The following FDFT1 variants were observed in gnomAD, a reference collection of about 807,000 sequenced individuals.
FDFT1 encodes the protein farnesyl-diphosphate farnesyltransferase 1.
In FDFT1, 68 loss-of-function variants were observed where a neutral mutation model predicts 46.8. The observed-to-expected ratio is 1.45, with a 90% confidence interval of 1.19 to 1.78. FDFT1 has a LOEUF of 1.78. Ranked by LOEUF, FDFT1 falls within the 40% of genes most tolerant of loss-of-function variation. The pLI, the probability that FDFT1 is intolerant of heterozygous loss-of-function variation, is 0.00. For missense variants in FDFT1, 928 were observed against 524.4 expected (o/e 1.77, Z -7.52); for synonymous variants, 351 against 185.1 (o/e 1.90, Z -7.28).
intron 3 of FDFT1, among the ~76,000 whole-genome samples, chr8:11,819,364 C>A (rs956519384): frequency 6.6e-6 from 1 of 152,108 alleles, no homozygotes; most frequent in African/African-American, 2.4e-5. Flanking sequence ...TTGTGGTGTT[C>A]TCTGTATTTC....
At chr8:11,804,784 T>A (rs1806608515) in intron 1 of FDFT1, among the ~76,000 whole-genome samples, 1 of 151,888 alleles carries the variant, frequency 6.6e-6, no homozygotes, top group Admixed American at 6.6e-5. Flanking sequence ...TTTTTTGGTA[T>A]TTTTAGTAGA....
At chr8:11,824,788 T>G (rs910246408) in intron 4 of FDFT1, among the ~76,000 whole-genome samples, 1 of 152,088 alleles carries the variant, frequency 6.6e-6, no homozygotes, top group Non-Finnish European at 1.5e-5. Context: ...CAGGCTGGAG[T>G]GCAGTGGCGC....
chr8:11,816,638 T>C (rs541599746), intron 3 of FDFT1, among the ~76,000 whole-genome samples: 1 of 152,314 alleles, frequency 6.6e-6, no homozygotes, highest in South Asian at 2.1e-4. Context: ...CTATTGTGAA[T>C]GGGAGTTCAC....
At chr8:11,830,197 C>T (rs760115135) in intron 5 of FDFT1, 47 bp from the exon 6 acceptor site, 8 of 1,418,354 alleles carry the variant, frequency 5.6e-6, no homozygotes, top group Middle Eastern at 1.8e-4. Context: ...TGTAAATTCT[C>T]CCCTATGCAC....
At chr8:11,816,304 T>G (rs911413997) in intron 3 of FDFT1, among the ~76,000 whole-genome samples, 1 of 152,250 alleles carries the variant, frequency 6.6e-6, no homozygotes, top group Non-Finnish European at 1.5e-5. Context: ...GGTAGCGTGA[T>G]GCCTCCAGCT....
intron 3 of FDFT1, among the ~76,000 whole-genome samples, chr8:11,810,581 A>C (rs1807574050): frequency 6.6e-6 from 1 of 152,174 alleles, no homozygotes; most frequent in Non-Finnish European, 1.5e-5. Context: ...TATTTGGTCT[A>C]TTTTGTTGGA....
intron 1 of FDFT1, among the ~76,000 whole-genome samples, chr8:11,805,984 ATTATG>A (rs1806777647): frequency 6.6e-6 from 1 of 152,092 alleles, no homozygotes; most frequent in African/African-American, 2.4e-5. Flanking sequence ...TATCAATCTG[ATTATG>A]TAAATTTATG....
chr8:11,808,228 T>G, intron 1 of FDFT1: 3 of 1,180,168 alleles, frequency 2.5e-6, no homozygotes, highest in Non-Finnish European at 3.1e-6. Flanking sequence ...GGAGCCCGAG[T>G]AGAGTTTGGT....
At chr8:11,802,618 G>A, upstream of FDFT1, 1 of 590,146 alleles carries the variant, frequency 1.7e-6, no homozygotes, top group Admixed American at 2.8e-5. Context: ...GCCAATCAGC[G>A]CCCGTCAGCC....
At chr8:11,813,229 A>G (rs1308952106) in intron 3 of FDFT1, among the ~76,000 whole-genome samples, 1 of 152,248 alleles carries the variant, frequency 6.6e-6, no homozygotes, top group Non-Finnish European at 1.5e-5. Context: ...ATGAGCACGT[A>G]TCTTTCTCAC....
At chr8:11,815,383 C>T (rs1318216874) in intron 3 of FDFT1, among the ~76,000 whole-genome samples, 1 of 152,098 alleles carries the variant, frequency 6.6e-6, no homozygotes, top group Non-Finnish European at 1.5e-5. Context: ...GGGTATATGC[C>T]CAGTAATGGG....
intron 4 of FDFT1, among the ~76,000 whole-genome samples, chr8:11,825,343 A>G (rs1023687041): frequency 6.6e-6 from 1 of 151,950 alleles, no homozygotes; most frequent in East Asian, 1.9e-4. Context: ...GGAGTTCGAG[A>G]CCAGCGTGGC....
intron 1 of FDFT1, chr8:11,803,588 G>T (rs1806425042): frequency 5.4e-6 from 4 of 737,506 alleles, no homozygotes; most frequent in African/African-American, 3.7e-5. Flanking sequence ...GAATGCATAG[G>T]AGGTGTTTTT....
intron 3 of FDFT1, among the ~76,000 whole-genome samples, chr8:11,814,865 TTTTTTC>T (rs746252447): frequency 6.6e-6 from 1 of 152,316 alleles, no homozygotes; most frequent in African/African-American, 2.4e-5. Flanking sequence ...CTGAGTTTTT[TTTTTTC>T]TTTTTCTTTT....
intron 5 of FDFT1, among the ~76,000 whole-genome samples, chr8:11,827,394 T>C (rs1328871174): frequency 2.0e-5 from 3 of 152,144 alleles, no homozygotes; most frequent in African/African-American, 7.2e-5. Context: ...GGCATGCACC[T>C]GTATTCCTAG....
intron 1 of FDFT1, chr8:11,803,352 G>A (rs955677128): frequency 2.6e-5 from 33 of 1,290,750 alleles, no homozygotes; most frequent in Non-Finnish European, 3.1e-5. Context: ...TTTCTGGAAT[G>A]AAGTCTGACT....
At chr8:11,815,484 C>G (rs970265259) in intron 3 of FDFT1, among the ~76,000 whole-genome samples, 1 of 152,184 alleles carries the variant, frequency 6.6e-6, no homozygotes, top group African/African-American at 2.4e-5. Flanking sequence ...ACACTCCCAC[C>G]AACAGTGTAA....
chr8:11,795,656 T>A (rs931960649), exon 1 of FDFT1: 2 of 152,108 alleles, frequency 1.3e-5, no homozygotes, highest in African/African-American at 4.8e-5. Context: ...CTTGTCTGTT[T>A]CGGTCTGCAC....
chr8:11,809,530 A>G (rs1005895654), intron 2 of FDFT1, 137 bp from the exon 3 acceptor site: 30 of 1,300,438 alleles, frequency 2.3e-5, no homozygotes, highest in East Asian at 5.4e-5. Flanking sequence ...TTAAGTATGA[A>G]AAGCGTTGGA....
Sources: gnomAD v4.1 joint callset for allele counts (sites outside exome capture counted in the v4.1 genomes callset) on GRCh38, gnomAD v4.1.1 for gene constraint, MANE v1.5 for transcripts, NCBI Gene and HGNC (gene_info 2026-07-23, HGNC 2026-07-21) for gene names.